FSTL4: variants seen among roughly 807,000 people sequenced by gnomAD.
FSTL4 encodes the protein follistatin like 4, also known as follistatin-related protein 4.
Under a neutral mutation model 78.2 loss-of-function variants are expected in FSTL4, and 28 were observed. That is an observed-to-expected ratio of 0.36 (90% CI 0.27 to 0.49). The LOEUF is 0.49. Ranked by LOEUF, FSTL4 falls within the 20% of genes least tolerant of loss-of-function variation. The pLI is 0.98. For missense variants in FSTL4, 922 were observed against 1,084.9 expected (o/e 0.85, Z 2.11); for synonymous variants, 422 against 440.5 (o/e 0.96, Z 0.53).
At chr5:133,312,439 TA>T in intron 6 of FSTL4, 1 of 570,840 alleles carries the variant, frequency 1.8e-6, no homozygotes, top group Non-Finnish European at 3.1e-6. Flanking sequence ...AAATCTTTAT[TA>T]AAAAGGAACA....
chr5:133,787,993 A>T, the FSTL4 span, among the ~76,000 whole-genome samples: 11,036 of 152,268 alleles, frequency 0.072, 608 homozygotes, highest in East Asian at 0.25. Flanking sequence ...AATGACTGAG[A>T]GTCACTCTGT....
At chr5:133,738,263 C>T in the FSTL4 span, among the ~76,000 whole-genome samples, 14 of 152,216 alleles carry the variant, frequency 9.2e-5, no homozygotes, top group Non-Finnish European at 1.2e-4. Flanking sequence ...GGAGTTTTCT[C>T]TCTGAGGAGC....
chr5:133,466,983 T>C (rs928443591), intron 3 of FSTL4, among the ~76,000 whole-genome samples: 6 of 145,504 alleles, frequency 4.1e-5, no homozygotes, highest in Admixed American at 1.4e-4. Context: ...TGTATGAGTG[T>C]GAATGTATAT....
chr5:133,794,560 C>T, the FSTL4 span, among the ~76,000 whole-genome samples: 1 of 152,210 alleles, frequency 6.6e-6, no homozygotes, highest in Admixed American at 6.5e-5. Flanking sequence ...ATTTCTCTCA[C>T]TGGGAATCAA....
At chr5:133,695,927 C>T in the FSTL4 span, among the ~76,000 whole-genome samples, 1 of 152,324 alleles carries the variant, frequency 6.6e-6, no homozygotes, top group Non-Finnish European at 1.5e-5. Flanking sequence ...CTTCTGCTGG[C>T]TCCGTTCCTG....
chr5:133,315,119 G>A (rs1463233957), intron 5 of FSTL4, among the ~76,000 whole-genome samples: 3 of 152,156 alleles, frequency 2.0e-5, no homozygotes, highest in East Asian at 1.9e-4. Context: ...CCAAGATTGC[G>A]CTACTGCACT....
chr5:133,674,980 G>A, the FSTL4 span, among the ~76,000 whole-genome samples: 1 of 152,088 alleles, frequency 6.6e-6, no homozygotes, highest in African/African-American at 2.4e-5. Flanking sequence ...AAGTGCTCGT[G>A]GAGATTGCAT....
At position 133,199,771 on chromosome 5, in the gene FSTL4, T is replaced by C; in HGVS notation, c.1853A>G (p.Asp618Gly). The change falls in exon 16 of 16, where the codon GAT becomes GGT. Residue 618 changes from aspartate (D) to glycine (G), a missense_variant. Transcript: ENST00000265342. The surrounding 1 kb of genome is among the most constrained non-coding windows in gnomAD (Gnocchi z 4.4). ...IRFGFIFNKS[D>G]PAVHKVDLET... ...CAGGTCCACCTTGTGGACTGCAGGA[T>C]CAGACTTGTTGAAGATGAAGCCAAA... 2 of 1,561,286 alleles carry C rather than the reference T, an allele frequency of 1.3e-6. No individual in the cohort carries two copies. The highest frequency in any genetic ancestry group is 2.3e-5 in the South Asian group (2 of 86,074).
At chr5:133,360,896 C>G (rs538989420) in intron 4 of FSTL4, among the ~76,000 whole-genome samples, 1 of 152,304 alleles carries the variant, frequency 6.6e-6, no homozygotes, top group Admixed American at 6.5e-5. Context: ...ACGCAGGGAG[C>G]TTAATTGCCA....
chr5:133,422,981 C>T (rs902525695), intron 3 of FSTL4, among the ~76,000 whole-genome samples: 2 of 151,680 alleles, frequency 1.3e-5, no homozygotes, highest in African/African-American at 4.8e-5. Context: ...ATGAGGCTTT[C>T]TGTCTTCTGA....
At chr5:133,728,691 ATGAAG>A in the FSTL4 span, among the ~76,000 whole-genome samples, 20 of 115,856 alleles carry the variant, frequency 1.7e-4, no homozygotes, top group African/African-American at 1.3e-3. Context: ...GCAACATGGT[ATGAAG>A]TGATTGGAGA....
chr5:133,199,066 C>G lies in FSTL4; in HGVS notation c.*29G>C. The G allele has an allele frequency of 7.2e-7, 1 of 1,392,692 alleles. No individual in the cohort carries two copies. Among genetic ancestry groups the G allele is most frequent in the Non-Finnish European group, 9.8e-7 (1 of 1,025,030 alleles). 86.3% of individuals were successfully genotyped at this position (1,392,692 alleles called of 1,614,324 possible). On this transcript the variant is annotated 3_prime_UTR_variant, in exon 16 of 16. Coordinates refer to ENST00000265342, the MANE Select transcript of FSTL4 (RefSeq NM_015082.2). The surrounding 1 kb of genome is among the most constrained non-coding windows in gnomAD (Gnocchi z 4.4). ...TGCAGTGTCAGGACTAGGGGGTGTT[C>G]CTTGGCCCAGGGCTCTGCTCTGGGC...
chr5:133,672,137 G>A, the FSTL4 span, among the ~76,000 whole-genome samples: 2 of 152,204 alleles, frequency 1.3e-5, no homozygotes, highest in South Asian at 2.1e-4. Context: ...CACTTGGTGA[G>A]GTTAAAGTTG....
intron 2 of FSTL4, among the ~76,000 whole-genome samples, chr5:133,593,469 C>T (rs1052899474): frequency 6.6e-6 from 1 of 152,078 alleles, no homozygotes; most frequent in African/African-American, 2.4e-5. Context: ...CTGCTGCATT[C>T]AGCACTATGT....
chr5:133,772,873 C>T, the FSTL4 span, among the ~76,000 whole-genome samples: 1 of 152,072 alleles, frequency 6.6e-6, no homozygotes, highest in South Asian at 2.1e-4. Context: ...ACCATAGCAC[C>T]AACGAATGTC....
intron 2 of FSTL4, among the ~76,000 whole-genome samples, chr5:133,601,967 G>A (rs1285192879): frequency 1.5e-4 from 23 of 151,730 alleles, no homozygotes; most frequent in Non-Finnish European, 3.2e-4. Flanking sequence ...TATTAGGTGT[G>A]AGCCACCGTA....
At chr5:133,504,800 C>T (rs1414249372) in intron 3 of FSTL4, among the ~76,000 whole-genome samples, 1 of 152,212 alleles carries the variant, frequency 6.6e-6, no homozygotes, top group African/African-American at 2.4e-5. Context: ...CTGATTTCCC[C>T]AGACTAGTCA....
At chr5:133,375,124 C>T (rs1369502615) in intron 4 of FSTL4, among the ~76,000 whole-genome samples, 1 of 151,380 alleles carries the variant, frequency 6.6e-6, no homozygotes, top group Non-Finnish European at 1.5e-5. Flanking sequence ...AACTTAAACA[C>T]CTCTGTCTCT....
At chr5:133,471,541 G>A (rs908226319) in intron 3 of FSTL4, among the ~76,000 whole-genome samples, 1 of 152,186 alleles carries the variant, frequency 6.6e-6, no homozygotes, top group Non-Finnish European at 1.5e-5. Flanking sequence ...TGAGGACACA[G>A]CTGAAAGGTG....
Sources: allele counts gnomAD v4.1 joint callset (sites outside exome capture counted in the v4.1 genomes callset), GRCh38; gene constraint gnomAD v4.1.1; non-coding constraint Gnocchi (gnomAD v3.1); transcripts MANE v1.5; gene names NCBI Gene and HGNC (gene_info 2026-07-23, HGNC 2026-07-21).